TNFRSF19: variants seen among roughly 807,000 people sequenced by gnomAD.
The protein encoded by TNFRSF19 is tumor necrosis factor receptor superfamily member 19.
Under a neutral mutation model 46.4 loss-of-function variants are expected in TNFRSF19, and 27 were observed. The ratio of observed to expected loss-of-function variants is 0.58; its 90% CI spans 0.43 to 0.80. The LOEUF is 0.80. Among genes scored for constraint, TNFRSF19 ranks in the 30% least tolerant of loss-of-function variants. The pLI is 0.00. For missense variants in TNFRSF19, 511 were observed against 530.8 expected, an observed-to-expected ratio of 0.96 and a Z score of 0.37; for synonymous variants, 204 against 205.0, an observed-to-expected ratio of 1.00 and a Z score of 0.04.
chr13:23,575,389 A>G (rs1474609259), intron 1 of TNFRSF19, among the ~76,000 whole-genome samples: 2 of 152,154 alleles, frequency 1.3e-5, no homozygotes, highest in Non-Finnish European at 2.9e-5. Context: ...TGGTATGGTG[A>G]AGATTATGTT....
intron 4 of TNFRSF19, among the ~76,000 whole-genome samples, chr13:23,619,481 G>A (rs1434168985): frequency 1.3e-5 from 2 of 151,778 alleles, no homozygotes; most frequent in South Asian, 2.1e-4. Flanking sequence ...CTCTGTGAAT[G>A]TATGGAAAAC....
chr13:23,603,213 C>T (rs1880285837), intron 3 of TNFRSF19, among the ~76,000 whole-genome samples: 2 of 152,022 alleles, frequency 1.3e-5, no homozygotes, highest in African/African-American at 2.4e-5. Context: ...AGTGCCCACA[C>T]ATTTGGTAAC....
intron 1 of TNFRSF19, among the ~76,000 whole-genome samples, chr13:23,582,510 T>C (rs1047781750): frequency 1.3e-5 from 2 of 152,206 alleles, no homozygotes; most frequent in Admixed American, 6.5e-5. Context: ...CCGATAAATA[T>C]TACAATTATT....
chr13:23,651,530 GC>G (rs1397628944), intron 5 of TNFRSF19, among the ~76,000 whole-genome samples: 1 of 152,160 alleles, frequency 6.6e-6, no homozygotes, highest in African/African-American at 2.4e-5. Context: ...AAAGGTGGAA[GC>G]CCAGACAGAA....
chr13:23,594,955 A>G (rs528981743), intron 3 of TNFRSF19, among the ~76,000 whole-genome samples: 10 of 152,216 alleles, frequency 6.6e-5, no homozygotes, highest in Non-Finnish European at 1.5e-4. Flanking sequence ...GCCTCTGCCA[A>G]TGATACCCAG....
chr13:23,671,339 C>G (rs1265966560), intron 9 of TNFRSF19, among the ~76,000 whole-genome samples: 1 of 152,118 alleles, frequency 6.6e-6, no homozygotes, highest in Non-Finnish European at 1.5e-5. Flanking sequence ...TTTTTACTAA[C>G]TTTTCAAGAT....
chr13:23,661,076 G>T (rs1240795715), intron 7 of TNFRSF19, among the ~76,000 whole-genome samples: 1 of 152,078 alleles, frequency 6.6e-6, no homozygotes, highest in African/African-American at 2.4e-5. Context: ...TAGGTTTGGG[G>T]GTACATGTGC....
chr13:23,665,950 AT>A (rs1018634127), intron 7 of TNFRSF19, among the ~76,000 whole-genome samples: 19 of 151,942 alleles, frequency 1.3e-4, no homozygotes, highest in Non-Finnish European at 2.2e-4. Flanking sequence ...CATGATACTG[AT>A]TTTTTTTGAA....
intron 3 of TNFRSF19, among the ~76,000 whole-genome samples, chr13:23,597,280 A>T (rs1464804605): frequency 1.3e-5 from 2 of 152,114 alleles, no homozygotes; most frequent in South Asian, 2.1e-4. Flanking sequence ...ACACCAAAAA[A>T]CCCTTTAAAA....
At chr13:23,635,569 G>A (rs1270171608) in intron 5 of TNFRSF19, among the ~76,000 whole-genome samples, 1 of 151,954 alleles carries the variant, frequency 6.6e-6, no homozygotes, top group Non-Finnish European at 1.5e-5. Flanking sequence ...AGTAGAGACG[G>A]GGTTTCACTA....
chr13:23,582,224 CAAAAAAA>C (rs746493689), intron 1 of TNFRSF19, among the ~76,000 whole-genome samples: 3 of 98,044 alleles, frequency 3.1e-5, no homozygotes, highest in Non-Finnish European at 4.2e-5. Flanking sequence ...ACTACAAATA[CAAAAAAA>C]AAAAAAAAAA....
chr13:23,599,458 C>T lies in TNFRSF19; in HGVS notation c.180+6003C>T, dbSNP rs112031141. Among the ~76,000 whole-genome samples, 1,521 of 152,132 alleles carry T rather than the reference C, an allele frequency of 1.0e-2. 30 individuals are homozygous for T. Among genetic ancestry groups the T allele is most frequent in the African/African-American group, 0.035 (1,459 of 41,486 alleles). Reference sequence around the variant, plus strand: ...GGTAGGGCTACAAGTTGGTTTTATACAATTTAGGGAGACATAAGACATTAC... The same window carrying T: ...GGTAGGGCTACAAGTTGGTTTTATATAATTTAGGGAGACATAAGACATTAC... On this transcript the variant is annotated intron_variant, in intron 3 of 9. Transcript: ENST00000248484.
chr13:23,610,524 T>G (rs932673602), intron 3 of TNFRSF19, among the ~76,000 whole-genome samples: 4 of 132,574 alleles, frequency 3.0e-5, no homozygotes, highest in African/African-American at 1.2e-4. Flanking sequence ...CAGCCCACCC[T>G]GCCTGCCATC....
chr13:23,575,881 C>T (rs1877922262), intron 1 of TNFRSF19, among the ~76,000 whole-genome samples: 1 of 152,152 alleles, frequency 6.6e-6, no homozygotes. Context: ...CTTAGTTCAA[C>T]TTTTGGGGAA....
At chr13:23,576,136 C>CTT (rs368860825) in intron 1 of TNFRSF19, among the ~76,000 whole-genome samples, 8 of 140,554 alleles carry the variant, frequency 5.7e-5, no homozygotes, top group Admixed American at 2.9e-4. Flanking sequence ...TCACAGAATT[C>CTT]TTTTTTTTTT....
chr13:23,626,651 A>G lies in TNFRSF19; in HGVS notation c.360-56A>G, dbSNP rs1447819056. On this transcript the variant is annotated intron_variant, in intron 4 of 9. Coordinates refer to ENST00000248484, the MANE Select transcript of TNFRSF19 (RefSeq NM_148957.4). ...TGGAGACTGCTGGTAATTTATGACCACAACTGTAAGCTTAGATGAAAGAGT... is the reference window on the plus strand; with the variant it reads ...TGGAGACTGCTGGTAATTTATGACCGCAACTGTAAGCTTAGATGAAAGAGT... 1.9e-6 allele frequency: 3 copies of G among 1,560,270 alleles called. No individual in the cohort carries two copies. The African/African-American group carries it at 4.1e-5, about 21-fold the overall frequency.
At chr13:23,616,470 A>G (rs1048201928) in intron 4 of TNFRSF19, among the ~76,000 whole-genome samples, 9 of 152,210 alleles carry the variant, frequency 5.9e-5, no homozygotes, top group Non-Finnish European at 8.8e-5. Context: ...GACGTGCCCA[A>G]CCACCTTAGG....
chr13:23,649,016 G>A (rs1389588063), intron 5 of TNFRSF19, among the ~76,000 whole-genome samples: 2 of 152,080 alleles, frequency 1.3e-5, no homozygotes, highest in Non-Finnish European at 2.9e-5. Context: ...TCTTTATAAG[G>A]GATCTTGATC....
chr13:23,605,566 G>A (rs1928114), intron 3 of TNFRSF19, among the ~76,000 whole-genome samples: 26,545 of 152,042 alleles, frequency 0.17, 2,856 homozygotes, highest in South Asian at 0.25. Flanking sequence ...GCAACCCAGC[G>A]GTACTTTAGT....
Sources: gnomAD v4.1 joint callset for allele counts (sites outside exome capture counted in the v4.1 genomes callset) on GRCh38, gnomAD v4.1.1 for gene constraint, MANE v1.5 for transcripts, NCBI Gene and HGNC (gene_info 2026-07-23, HGNC 2026-07-21) for gene names.